Variants in DLGAP1 observed in about 807,000 individuals in gnomAD.
DLGAP1 encodes the protein disks large-associated protein 1.
In DLGAP1, 11 loss-of-function variants were observed where a neutral mutation model predicts 90.8. The ratio of observed to expected loss-of-function variants is 0.12; its 90% CI spans 0.08 to 0.20. The LOEUF is 0.20. Among genes scored for constraint, DLGAP1 ranks in the 10% least tolerant of loss-of-function variants. DLGAP1 has a pLI of 1.00. For missense variants in DLGAP1, 1,050 were observed against 1,333.8 expected, an observed-to-expected ratio of 0.79 and a Z score of 3.31; for synonymous variants, 558 against 540.7, an observed-to-expected ratio of 1.03 and a Z score of -0.44.
intron 4 of DLGAP1, among the ~76,000 whole-genome samples, chr18:3,856,792 C>G (rs1444157404): frequency 2.0e-5 from 3 of 151,670 alleles, no homozygotes. Flanking sequence ...ACCTGGGAGG[C>G]AGATCTTGCA....
At chr18:3,709,054 G>A (rs1300751264) in intron 7 of DLGAP1, among the ~76,000 whole-genome samples, 2 of 152,186 alleles carry the variant, frequency 1.3e-5, no homozygotes, top group Non-Finnish European at 2.9e-5. Context: ...AATATTTACT[G>A]AGTATTTATT....
intron 1 of DLGAP1, among the ~76,000 whole-genome samples, chr18:4,335,461 A>G (rs2081049570): frequency 6.6e-6 from 1 of 151,926 alleles, no homozygotes; most frequent in Non-Finnish European, 1.5e-5. Flanking sequence ...AAAGCCAAGA[A>G]GCCTCATCAT....
chr18:4,357,962 T>G (rs114400883), intron 1 of DLGAP1, among the ~76,000 whole-genome samples: 109 of 152,336 alleles, frequency 7.2e-4, no homozygotes, highest in African/African-American at 2.4e-3. Context: ...GTTTGTAGAT[T>G]ATAAATATTT....
At chr18:4,252,289 G>A (rs902612168) in intron 1 of DLGAP1, among the ~76,000 whole-genome samples, 3 of 152,184 alleles carry the variant, frequency 2.0e-5, no homozygotes, top group African/African-American at 7.2e-5. Flanking sequence ...TAATTCTGAG[G>A]TTGTGAGAGT....
chr18:4,014,567 C>G (rs1211365274), intron 2 of DLGAP1, among the ~76,000 whole-genome samples: 1 of 152,056 alleles, frequency 6.6e-6, no homozygotes, highest in Non-Finnish European at 1.5e-5. Context: ...GTCCCCAACA[C>G]AAAGAAAAGA....
intron 3 of DLGAP1, among the ~76,000 whole-genome samples, chr18:3,946,096 T>G (rs1393966666): frequency 6.6e-6 from 1 of 151,870 alleles, no homozygotes; most frequent in African/African-American, 2.4e-5. Context: ...GATTAGAGAT[T>G]TTATGACATA....
intron 3 of DLGAP1, among the ~76,000 whole-genome samples, chr18:3,962,168 T>C (rs1022049133): frequency 6.6e-6 from 1 of 152,244 alleles, no homozygotes; most frequent in Admixed American, 6.5e-5. Context: ...AGAATTTTTG[T>C]TTGCTACCAC....
At chr18:3,741,779 TTATCC>T in intron 6 of DLGAP1, among the ~76,000 whole-genome samples, 1 of 152,356 alleles carries the variant, frequency 6.6e-6, no homozygotes, top group South Asian at 2.1e-4. Flanking sequence ...GCCAGATTAG[TTATCC>T]TATGTCAAAG....
intron 5 of DLGAP1, among the ~76,000 whole-genome samples, chr18:3,757,598 A>G (rs2063768426): frequency 6.6e-6 from 1 of 152,192 alleles, no homozygotes; most frequent in Non-Finnish European, 1.5e-5. Context: ...GTATCTGAAA[A>G]TCAATTAATA....
intron 1 of DLGAP1, among the ~76,000 whole-genome samples, chr18:4,345,146 T>G (rs2081279911): frequency 6.6e-6 from 1 of 152,150 alleles, no homozygotes; most frequent in Non-Finnish European, 1.5e-5. Flanking sequence ...TTACATCCCT[T>G]AGCTTCTGCT....
At chr18:3,605,841 T>C (rs764305024) in intron 7 of DLGAP1, among the ~76,000 whole-genome samples, 4 of 152,034 alleles carry the variant, frequency 2.6e-5, no homozygotes, top group African/African-American at 4.8e-5. Flanking sequence ...TTTGCCTGTC[T>C]ATAGATTTTT....
chr18:3,700,207 A>C (rs1180365693), intron 7 of DLGAP1, among the ~76,000 whole-genome samples: 1 of 152,112 alleles, frequency 6.6e-6, no homozygotes, highest in East Asian at 1.9e-4. Flanking sequence ...TGTCTGTCTA[A>C]ATAGCCACCC....
chr18:4,440,632 C>A (rs955387249), intron 1 of DLGAP1, among the ~76,000 whole-genome samples: 17 of 152,138 alleles, frequency 1.1e-4, no homozygotes, highest in Non-Finnish European at 2.9e-5. Context: ...CCTATATAGA[C>A]ACACGAGAAG....
rs370769755 is a variant in DLGAP1, at chr18:3,690,262, T to C, written c.1591+38873A>G. 4.6e-5 allele frequency among the ~76,000 whole-genome samples: 7 copies of C among 151,916 alleles called. No individual in the cohort carries two copies. In the East Asian group the frequency reaches 7.7e-4, roughly 17 times the overall value. ...TCATGAAGCCCGGCTAATTTTTGTA[T>C]TTTTTGTAGAGTTGGGGTCTTGCCA... On this transcript the variant is annotated intron_variant, in intron 7 of 12. Transcript: ENST00000315677.
At chr18:4,259,390 T>G (rs771604452) in intron 1 of DLGAP1, among the ~76,000 whole-genome samples, 9 of 152,238 alleles carry the variant, frequency 5.9e-5, no homozygotes, top group Admixed American at 1.3e-4. Context: ...ATTAGACTTG[T>G]GCCTAACTCA....
intron 7 of DLGAP1, among the ~76,000 whole-genome samples, chr18:3,673,195 C>T (rs764676197): frequency 1.3e-5 from 2 of 152,182 alleles, no homozygotes; most frequent in Non-Finnish European, 2.9e-5. Flanking sequence ...AGCCCCTCCC[C>T]AGTTTCTTTT....
At chr18:3,772,954 C>G (rs1190119869) in intron 5 of DLGAP1, among the ~76,000 whole-genome samples, 3 of 152,152 alleles carry the variant, frequency 2.0e-5, no homozygotes, top group African/African-American at 7.2e-5. Context: ...GCCCCTGGTC[C>G]TTACCTTAGT....
At position 4,427,047 on chromosome 18, in the gene DLGAP1, A is replaced by G. The variant is rs149019398; in HGVS notation, c.-267+27959T>C. Among the ~76,000 whole-genome samples, 11 of 152,372 alleles carry G rather than the reference A, an allele frequency of 7.2e-5. No homozygotes were observed. In the East Asian group the frequency reaches 1.5e-3, roughly 21 times the overall value. ...TGCCATAATGGATTTTGGAAACTGT[A>G]GTTTGTTTGGTGTGATATATGAAGA... is the stretch of plus-strand genomic sequence containing the variant. On this transcript the variant is annotated intron_variant, in intron 1 of 12. Coordinates refer to ENST00000315677, the MANE Select transcript of DLGAP1 (RefSeq NM_004746.4).
rs183854764 is a variant in DLGAP1 at position 3,845,487 on chromosome 18, G to A, written c.958-31214C>T. ...ATACTTAATGAAATAAAACCCTATAGCTGAAGAATAACACTTAAGTGAATA... is the reference window on the plus strand; with the variant it reads ...ATACTTAATGAAATAAAACCCTATAACTGAAGAATAACACTTAAGTGAATA... On this transcript the variant is annotated intron_variant, in intron 4 of 12. Transcript: ENST00000315677. 57 of 1,287,708 alleles carry A rather than the reference G, an allele frequency of 4.4e-5. 1 individual carries two copies. The Middle Eastern group carries it at 2.4e-3, about 53-fold the overall frequency. The allele number at this position is 1,287,708 out of a possible 1,614,324, so 79.8% of individuals were successfully genotyped here.
Sources: allele counts gnomAD v4.1 joint callset (sites outside exome capture counted in the v4.1 genomes callset), GRCh38; gene constraint gnomAD v4.1.1; transcripts MANE v1.5; gene names NCBI Gene and HGNC (gene_info 2026-07-23, HGNC 2026-07-21).